Variants in WWOX observed in about 807,000 individuals in gnomAD.
WWOX encodes WW domain containing oxidoreductase.
In WWOX, 69 loss-of-function variants were observed where a neutral mutation model predicts 46.2. The ratio of observed to expected loss-of-function variants is 1.49; its 90% CI spans 1.23 to 1.82. The LOEUF (loss-of-function observed/expected upper bound fraction) is 1.82. Among genes scored for constraint, WWOX ranks in the 40% most tolerant of loss-of-function variants. The probability of loss-of-function intolerance (pLI) is 0.00; values close to 1 mark genes in which losing one functional copy is unlikely to be tolerated. For missense variants in WWOX, 919 were observed against 542.6 expected, an observed-to-expected ratio of 1.69 and a Z score of -6.89; for synonymous variants, 359 against 202.6, an observed-to-expected ratio of 1.77 and a Z score of -6.56.
intron 6 of WWOX, among the ~76,000 whole-genome samples, chr16:78,389,303 T>G (rs1555530897): frequency 1.3e-5 from 2 of 152,202 alleles, no homozygotes; most frequent in Non-Finnish European, 2.9e-5. Flanking sequence ...TTCCTTCACT[T>G]CACACACATT....
intron 8 of WWOX, among the ~76,000 whole-genome samples, chr16:78,681,142 T>A (rs1597437837): frequency 6.6e-6 from 1 of 152,014 alleles, no homozygotes; most frequent in African/African-American, 2.4e-5. Flanking sequence ...CCAGCTACTT[T>A]GGAGGCTGAG....
intron 8 of WWOX, among the ~76,000 whole-genome samples, chr16:79,086,695 A>G (rs1033347403): frequency 7.2e-5 from 11 of 152,174 alleles, no homozygotes; most frequent in African/African-American, 2.7e-4. Flanking sequence ...TGCTTGGGCA[A>G]CATAGGGAGA....
intron 8 of WWOX, among the ~76,000 whole-genome samples, chr16:78,587,925 G>A (rs1567663585): frequency 6.6e-6 from 1 of 152,136 alleles, no homozygotes; most frequent in Non-Finnish European, 1.5e-5. Context: ...AAATCAAGCG[G>A]GCCTCCCCAT....
chr16:78,709,023 G>A (rs1196285182), intron 8 of WWOX, among the ~76,000 whole-genome samples: 1 of 152,100 alleles, frequency 6.6e-6, no homozygotes, highest in South Asian at 2.1e-4. Flanking sequence ...ACTATGTTTC[G>A]AAACGTGAAA....
At chr16:78,474,047 A>G (rs527894720) in intron 8 of WWOX, among the ~76,000 whole-genome samples, 2 of 152,346 alleles carry the variant, frequency 1.3e-5, no homozygotes, top group African/African-American at 4.8e-5. Context: ...TAATAAGAAT[A>G]AAAGAAAATG....
At chr16:78,287,546 C>G (rs984059910) in intron 5 of WWOX, among the ~76,000 whole-genome samples, 3 of 152,086 alleles carry the variant, frequency 2.0e-5, no homozygotes, top group African/African-American at 7.2e-5. Flanking sequence ...AGATGTCACA[C>G]GATTATTGCT....
At chr16:78,582,197 G>C (rs546692190) in intron 8 of WWOX, among the ~76,000 whole-genome samples, 3 of 152,198 alleles carry the variant, frequency 2.0e-5, no homozygotes, top group Non-Finnish European at 4.4e-5. Context: ...ACGGCCAGAA[G>C]AATGTTCCTA....
intron 8 of WWOX, among the ~76,000 whole-genome samples, chr16:78,833,148 C>A (rs1309025474): frequency 2.0e-5 from 3 of 151,846 alleles, no homozygotes; most frequent in African/African-American, 7.3e-5. Context: ...CTCAAGCGAT[C>A]CTCCAGCCTC....
At chr16:78,907,238 GC>G (rs2044989452) in intron 8 of WWOX, among the ~76,000 whole-genome samples, 1 of 152,156 alleles carries the variant, frequency 6.6e-6, no homozygotes, top group Non-Finnish European at 1.5e-5. Context: ...TGGGTGGGGG[GC>G]AGGGCACAGG....
intron 8 of WWOX, among the ~76,000 whole-genome samples, chr16:78,771,130 G>A (rs1355326352): frequency 6.6e-6 from 1 of 152,140 alleles, no homozygotes; most frequent in Non-Finnish European, 1.5e-5. Context: ...AAGAGAATTA[G>A]CATTTGGCCA....
intron 8 of WWOX, among the ~76,000 whole-genome samples, chr16:78,777,930 A>C (rs1055571302): frequency 6.6e-6 from 1 of 151,844 alleles, no homozygotes; most frequent in Non-Finnish European, 1.5e-5. Flanking sequence ...CTGTAGTTCC[A>C]ACTGCTCAGA....
At chr16:78,638,297 A>G (rs988050723) in intron 8 of WWOX, among the ~76,000 whole-genome samples, 12 of 152,200 alleles carry the variant, frequency 7.9e-5, no homozygotes, top group African/African-American at 2.7e-4. Flanking sequence ...ATCTGAACCC[A>G]AGACATAGGC....
At chr16:78,131,944 A>C (rs572661185) in intron 4 of WWOX, among the ~76,000 whole-genome samples, 1 of 150,980 alleles carries the variant, frequency 6.6e-6, no homozygotes, top group Admixed American at 6.6e-5. Flanking sequence ...CTTATAAGTT[A>C]AAAAGAACTT....
intron 8 of WWOX, among the ~76,000 whole-genome samples, chr16:78,615,166 T>G (rs1309063764): frequency 1.3e-5 from 2 of 152,350 alleles, no homozygotes; most frequent in South Asian, 2.1e-4. Context: ...CCATTATTTT[T>G]TAGAGGTTGT....
At position 78,950,245 on chromosome 16, in the gene WWOX, T is replaced by TTA. The variant is rs777875300; in HGVS notation, c.1057-261362_1057-261361dup. On this transcript the variant is annotated intron_variant, in intron 8 of 8. Transcript: ENST00000566780. ...TAATCTTTCAGTTGAATTACGGTCT[T>TTA]TAGCTCAAATGCATGACATGATGTG... 1.8e-4 allele frequency among the ~76,000 whole-genome samples: 28 copies of TTA among 152,306 alleles called. No homozygotes were observed. The East Asian group carries it at 4.6e-3, about 25-fold the overall frequency.
intron 6 of WWOX, among the ~76,000 whole-genome samples, chr16:78,415,707 G>T (rs944653500): frequency 2.1e-4 from 32 of 152,230 alleles, no homozygotes; most frequent in African/African-American, 7.2e-4. Flanking sequence ...AAAAAGGGAA[G>T]GAGCTGGTCC....
At chr16:78,141,432 T>TC (rs200733142) in intron 4 of WWOX, among the ~76,000 whole-genome samples, 5,437 of 146,420 alleles carry the variant, frequency 0.037, 140 homozygotes, top group Non-Finnish European at 0.057. Context: ...TCCCCCTTCT[T>TC]TTTTTTTTTT....
intron 5 of WWOX, among the ~76,000 whole-genome samples, chr16:78,320,689 A>C (rs1382676363): frequency 6.6e-6 from 1 of 152,198 alleles, no homozygotes; most frequent in Non-Finnish European, 1.5e-5. Context: ...AGATGTTTTC[A>C]AGTATCTGGA....
At chr16:78,199,661 C>G (rs1453012493) in intron 5 of WWOX, among the ~76,000 whole-genome samples, 1 of 152,190 alleles carries the variant, frequency 6.6e-6, no homozygotes, top group African/African-American at 2.4e-5. Flanking sequence ...CCTGTTATTT[C>G]TGAGCCTGCG....
Sources: allele counts gnomAD v4.1 joint callset (sites outside exome capture counted in the v4.1 genomes callset), GRCh38; gene constraint gnomAD v4.1.1; transcripts MANE v1.5; gene names NCBI Gene and HGNC (gene_info 2026-07-23, HGNC 2026-07-21).